CDH15: variants seen among roughly 807,000 people sequenced by gnomAD.
CDH15 encodes the protein cadherin 15, also known as cadherin-15.
Under a neutral mutation model 69.4 loss-of-function variants are expected in CDH15, and 73 were observed. The ratio of observed to expected loss-of-function variants is 1.05; its 90% CI spans 0.87 to 1.28. The LOEUF (loss-of-function observed/expected upper bound fraction) is 1.28, where lower values mean the gene tolerates loss of function less well. Ranked by LOEUF, CDH15 falls within the 50% of genes most tolerant of loss-of-function variation. CDH15 has a pLI of 0.00. For synonymous variants in CDH15, 624 were observed against 507.7 expected, an observed-to-expected ratio of 1.23 and a Z score of -3.08; for missense variants, 1,343 against 1,133.6, an observed-to-expected ratio of 1.18 and a Z score of -2.65.
rs910602813 is a variant in CDH15, at chr16:89,193,804, C to T, written c.2042C>T (p.Pro681Leu). 6.2e-7 allele frequency: 1 copy of T among 1,608,454 alleles called. No homozygotes were observed. Among genetic ancestry groups the T allele is most frequent in the Non-Finnish European group, 8.5e-7 (1 of 1,179,518 alleles). ...QLRHPTALSL[P>L]LGPPPLRRDA... Reference sequence around the variant, plus strand: ...CGTCACCCGACAGCGCTGAGCCTGCCTCTGGGACCGCCGCCACTTCGCAGA... The same window carrying T: ...CGTCACCCGACAGCGCTGAGCCTGCTTCTGGGACCGCCGCCACTTCGCAGA... The change falls in exon 13 of 14, where the codon CCT (proline) becomes CTT (leucine). Residue 681 changes from proline (P) to leucine (L), a missense_variant. By Grantham distance (98) the Pro-to-Leu change is moderately conservative. Transcript: ENST00000289746.
At position 89,180,317 on chromosome 16, in the gene CDH15, A is replaced by C. The variant is rs765376733; in HGVS notation, c.319A>C (p.Asn107His). ...IDKFTGKVFL[N>H]AMLDREKTDR... ...CAAGTTCACAGGGAAGGTCTTCCTC[A>C]ATGCCATGCTGGACCGCGAGAAGAC... The change falls in exon 3 of 14, where the codon AAT (asparagine) becomes CAT (histidine). Residue 107 changes from asparagine (N) to histidine (H), a missense_variant. Physicochemically the swap from Asn to His is moderately conservative, Grantham distance 68 (BLOSUM62 1). Coordinates refer to ENST00000289746, the MANE Select transcript of CDH15 (RefSeq NM_004933.3). The C allele has an allele frequency of 1.1e-5, 18 of 1,612,768 alleles. No homozygotes were observed. Among genetic ancestry groups the C allele is most frequent in the Non-Finnish European group, 1.5e-5 (18 of 1,179,628 alleles).
At chr16:89,176,601 CT>C (rs1915261382) in intron 1 of CDH15, among the ~76,000 whole-genome samples, 1 of 152,196 alleles carries the variant, frequency 6.6e-6, no homozygotes, top group Non-Finnish European at 1.5e-5. Context: ...CGGCACACCT[CT>C]GTAGTAGGCA....
At position 89,183,603 on chromosome 16, in the gene CDH15, T is replaced by C; in HGVS notation, c.413T>C (p.Leu138Pro). The change falls in exon 4 of 14, where the codon CTG (leucine) becomes CCG (proline). Residue 138 changes from leucine (L) to proline (P), a missense_variant. Leu to Pro is a moderately conservative substitution (Grantham distance 98). Transcript: ENST00000289746. ...TCCACCCTGGAGGACCCCACGGACC[T>C]GGAGATTGTAGTTGTGGATCAGAAT... ...GGSTLEDPTD[L>P]EIVVVDQNDN... is the part of the protein sequence containing the mutation. 1 of 1,613,980 alleles carries C rather than the reference T, an allele frequency of 6.2e-7. No homozygotes were observed. The highest frequency in any genetic ancestry group is 8.5e-7 in the Non-Finnish European group (1 of 1,179,872).
chr16:89,191,186 T>C, intron 8 of CDH15, 144 bp from the exon 9 acceptor site: 2 of 883,558 alleles, frequency 2.3e-6, no homozygotes, highest in Non-Finnish European at 3.7e-6. Flanking sequence ...TGTGCGTGTG[T>C]ATATGTTGTG....
intron 1 of CDH15, among the ~76,000 whole-genome samples, chr16:89,174,036 G>T (rs1288415836): frequency 6.6e-6 from 1 of 152,236 alleles, no homozygotes; most frequent in Non-Finnish European, 1.5e-5. Flanking sequence ...CTTAGCTCGG[G>T]TGACTGTGAC....
In CDH15 at chr16:89,191,864, G is replaced by C; in HGVS notation, c.1585G>C (p.Gly529Arg). 3.1e-6 allele frequency: 5 copies of C among 1,593,488 alleles called. No homozygotes were observed. Among genetic ancestry groups the C allele is most frequent in the Non-Finnish European group, 4.3e-6 (5 of 1,175,516 alleles). Residue 529 changes from glycine (G) to arginine (R), a missense_variant, in exon 10 of 14, where the codon GGC (glycine) becomes CGC (arginine). Physicochemically the swap from Gly to Arg is moderately radical, Grantham distance 125. Transcript: ENST00000289746. ...FQLSPRLPEL[G>R]RNWSLSQVNV... Reference sequence around the variant, plus strand: ...GCTGAGCCCCAGGCTCCCAGAGCTCGGCCGGAACTGGAGCCTCAGCCAGGT... The same window carrying C: ...GCTGAGCCCCAGGCTCCCAGAGCTCCGCCGGAACTGGAGCCTCAGCCAGGT...
At chr16:89,184,476 C>T (rs962654002) in intron 4 of CDH15, among the ~76,000 whole-genome samples, 3 of 152,120 alleles carry the variant, frequency 2.0e-5, no homozygotes, top group African/African-American at 4.8e-5. Context: ...ATATGTGGTC[C>T]CTCTAGCGGC....
At chr16:89,175,105 G>A (rs1003266055) in intron 1 of CDH15, among the ~76,000 whole-genome samples, 2 of 152,208 alleles carry the variant, frequency 1.3e-5, no homozygotes, top group African/African-American at 4.8e-5. Context: ...CTCTGTGGCT[G>A]CTGTGACCTG....
chr16:89,193,637 C>A, intron 12 of CDH15, 31 bp downstream of exon 12: 1 of 1,571,522 alleles, frequency 6.4e-7, no homozygotes, highest in East Asian at 2.3e-5. Context: ...GGGGAGGGGT[C>A]CCCAAGGAAC....
At chr16:89,192,060 T>TTAC in intron 10 of CDH15, 145 bp from the exon 11 acceptor site, 1 of 978,112 alleles carries the variant, frequency 1.0e-6, no homozygotes, top group South Asian at 1.6e-5. Context: ...TGGGGCAGGG[T>TTAC]TACTCATTGT....
chr16:89,188,124 G>A lies in CDH15; in HGVS notation c.817G>A (p.Val273Ile), dbSNP rs376853788. 28 of 1,612,544 alleles carry A rather than the reference G, an allele frequency of 1.7e-5. No homozygotes were observed. The highest frequency in any genetic ancestry group is 8.0e-5 in the African/African-American group (6 of 74,908). Residue 273 changes from valine (V) to isoleucine (I), a missense_variant, in exon 7 of 14, where the codon GTC (valine) becomes ATC (isoleucine). Transcript: ENST00000289746. The part of the protein sequence containing the change: ...DEFFMEAIEA[V>I]SGVDVGRLEV... ...GTTCTTCATGGAGGCCATAGAGGCC[G>A]TCAGCGGAGTGGATGTGGGACGCCT...
rs1314639608 is a variant in CDH15, at chr16:89,187,534, GCCC to G, written c.772_774del (p.Pro258del). On this transcript the variant is annotated inframe_deletion, in exon 6 of 14. Transcript: ENST00000289746. ...CACCCTTGATGACATCAATGACAAT[GCCC>G]CCGAGTTCACCAGGGATGAGGTGCT... 2 of 1,613,532 alleles carry G rather than the reference GCCC, an allele frequency of 1.2e-6. No homozygotes were observed. The highest frequency in any genetic ancestry group is 2.7e-5 in the African/African-American group (2 of 74,940).
chr16:89,185,363 C>T (rs1473380333), intron 5 of CDH15, 30 bp downstream of exon 5: 36 of 1,571,356 alleles, frequency 2.3e-5, no homozygotes, highest in African/African-American at 4.0e-5. Flanking sequence ...GCTCCACACC[C>T]GCACGGCCAG....
chr16:89,193,819 C>T lies in CDH15; in HGVS notation c.2057C>T (p.Pro686Leu). 1 of 1,610,092 alleles carries T rather than the reference C, an allele frequency of 6.2e-7. No individual in the cohort carries two copies. Among genetic ancestry groups the T allele is most frequent in the Non-Finnish European group, 8.5e-7 (1 of 1,179,646 alleles). The change falls in exon 13 of 14, where the codon CCA becomes CTA. Residue 686 changes from proline to leucine, a missense_variant. Coordinates refer to ENST00000289746, the MANE Select transcript of CDH15 (RefSeq NM_004933.3). Reference protein sequence around the residue: ...TALSLPLGPPPLRRDAPQGRL... With the variant: ...TALSLPLGPPLLRRDAPQGRL... ...CTGAGCCTGCCTCTGGGACCGCCGCCACTTCGCAGAGATGCCCCGCAGGGC... is the reference window on the plus strand; with the variant it reads ...CTGAGCCTGCCTCTGGGACCGCCGCTACTTCGCAGAGATGCCCCGCAGGGC...
At chr16:89,175,808 C>T in intron 1 of CDH15, among the ~76,000 whole-genome samples, 1 of 152,218 alleles carries the variant, frequency 6.6e-6, no homozygotes, top group Middle Eastern at 3.2e-3. Context: ...GAACCCCCAC[C>T]CCATCCTCTC....
Position 89,192,137 on chromosome 16 carries a change from C to A in CDH15, c.1616-68C>A, listed in dbSNP as rs1055940925. The A allele has an allele frequency of 1.0e-5, 15 of 1,467,188 alleles. No individual in the cohort carries two copies. The African/African-American group carries it at 1.3e-4, about 12-fold the overall frequency. The allele number at this position is 1,467,188 out of a possible 1,614,324, so 90.9% of individuals were successfully genotyped here. Reference sequence around the variant, plus strand: ...TCTCGGGATCCCCACCCTGTCTCGGCGCGAGGAGGGCAGGCGAAGTGGGGG... The same window carrying A: ...TCTCGGGATCCCCACCCTGTCTCGGAGCGAGGAGGGCAGGCGAAGTGGGGG... On this transcript the variant is annotated intron_variant, in intron 10 of 13. Transcript: ENST00000289746.
At position 89,192,253 on chromosome 16, in the gene CDH15, A is replaced by C. The variant is rs1915665314; in HGVS notation, c.1664A>C (p.His555Pro). The C allele has an allele frequency of 6.5e-7, 1 of 1,530,296 alleles. No individual in the cohort carries two copies. Among genetic ancestry groups the C allele is most frequent in the Non-Finnish European group, 8.7e-7 (1 of 1,145,162 alleles). 94.8% of individuals were successfully genotyped at this position (1,530,296 alleles called of 1,614,324 possible). ...CGACACCAGGTCCCCGAAGGCCTGC[A>C]CCGCCTCAGCCTGCTGCTCCGGGAC... ...RPRHQVPEGLHRLSLLLRDSG... is the reference protein window; with the variant it reads ...RPRHQVPEGLPRLSLLLRDSG... The change falls in exon 11 of 14, where the codon CAC (histidine) becomes CCC (proline). Residue 555 changes from histidine (H) to proline (P), a missense_variant. Coordinates refer to ENST00000289746, the MANE Select transcript of CDH15 (RefSeq NM_004933.3).
Position 89,191,414 on chromosome 16 carries a change from G to C in CDH15, c.1317G>C (p.Pro439=). The C allele has an allele frequency of 6.2e-7, 1 of 1,612,740 alleles. No homozygotes were observed. Among genetic ancestry groups the C allele is most frequent in the East Asian group, 2.2e-5 (1 of 44,878 alleles). The change falls in exon 9 of 14, where the codon CCG becomes CCC. Residue 439 remains proline, a synonymous_variant. Coordinates refer to ENST00000289746, the MANE Select transcript of CDH15 (RefSeq NM_004933.3). The part of the protein sequence containing the change: ...GRIQTQHVLS[P]ASPFLKGGWY... ...TCCAGACCCAGCACGTGCTCAGCCC[G>C]GCGTCCCCCTTCCTCAAGGGCGGCT...
At position 89,191,749 on chromosome 16, in the gene CDH15, C is replaced by A. The variant is rs2151604167; in HGVS notation, c.1470C>A (p.Ser490Arg). The change falls in exon 10 of 14, where the codon AGC (serine) becomes AGA (arginine). Residue 490 changes from serine to arginine, a missense_variant. By Grantham distance (110) the Ser-to-Arg change is moderately radical. Coordinates refer to ENST00000289746, the MANE Select transcript of CDH15 (RefSeq NM_004933.3). ...APVLAPPPPG[S>R]LCSEPHQGPG... ...TGCTGGCCCCGCCGCCGCCGGGCAG[C>A]CTGTGCAGCGAGCCACACCAAGGCC... The A allele has an allele frequency of 1.2e-6, 2 of 1,604,886 alleles. No individual in the cohort carries two copies. The highest frequency in any genetic ancestry group is 4.5e-5 in the East Asian group (2 of 44,820).
Sources: gnomAD v4.1 joint callset for allele counts (sites outside exome capture counted in the v4.1 genomes callset) on GRCh38, gnomAD v4.1.1 for gene constraint, MANE v1.5 for transcripts, NCBI Gene and HGNC (gene_info 2026-07-23, HGNC 2026-07-21) for gene names.